CDHR1: variants seen among roughly 807,000 people sequenced by gnomAD.
CDHR1 encodes the protein cadherin-related family member 1.
A neutral mutation model predicts 72.1 loss-of-function variants in CDHR1; 61 were observed. The observed-to-expected ratio is 0.85, with a 90% CI of 0.69 to 1.05. The LOEUF (loss-of-function observed/expected upper bound fraction) is 1.05, where lower values mean the gene tolerates loss of function less well. CDHR1 is among the 50% of genes least tolerant of loss of function. CDHR1 has a pLI of 0.00. For synonymous variants in CDHR1, 470 were observed against 448.1 expected (o/e 1.05, Z -0.62); for missense variants, 1,186 against 1,115.7 (o/e 1.06, Z -0.90).
At chr10:84,218,763 CAT>C, downstream of CDHR1, 1 of 1,000,394 alleles carries the variant, frequency 1.0e-6, no homozygotes, top group Non-Finnish European at 1.2e-6. Flanking sequence ...GCCCAGATAT[CAT>C]GTTATTACAT....
At position 84,214,995 on chromosome 10, in the gene CDHR1, T is replaced by G; in HGVS notation, c.*374T>G. On this transcript the variant is annotated 3_prime_UTR_variant, in exon 17 of 17. Transcript: ENST00000623527. ...TCTACTGGGATCTCATCATCATCCT[T>G]AGTCAAGCAGCAGGGCCCTGGCCAC... is the stretch of plus-strand genomic sequence containing the variant. 8.7e-7 allele frequency: 1 copy of G among 1,155,502 alleles called. No individual in the cohort carries two copies. The highest frequency in any genetic ancestry group is 5.7e-5 in the East Asian group (1 of 17,504). The allele number at this position is 1,155,502 out of a possible 1,614,324, so 71.6% of individuals were successfully genotyped here. A position where few individuals can be genotyped will look rare whatever the true frequency, so the allele number is the denominator to read the frequency against.
At chr10:84,195,012 TC>T (rs1842002323) in intron 1 of CDHR1, among the ~76,000 whole-genome samples, 197 bp downstream of exon 1, 3 of 152,030 alleles carry the variant, frequency 2.0e-5, no homozygotes, top group Non-Finnish European at 4.4e-5. Flanking sequence ...AGTGGGGAGC[TC>T]CGGGGCGCTT....
intron 12 of CDHR1, among the ~76,000 whole-genome samples, chr10:84,209,638 A>G (rs918924134): frequency 2.0e-5 from 2 of 100,250 alleles, no homozygotes; most frequent in African/African-American, 1.2e-4. Flanking sequence ...GAGAGAAAAG[A>G]CAAAAAAAAA....
Position 84,217,965 on chromosome 10 carries a change from G to T in CDHR1, c.*3344G>T. On this transcript the variant is annotated 3_prime_UTR_variant, in exon 17 of 17. Transcript: ENST00000623527. ...TGCTAGAAAAGTGTGATCAGAGCTG[G>T]GAAGGAGCCACCATGCTCTGCTTCT... 1 of 985,466 alleles carries T rather than the reference G, an allele frequency of 1.0e-6. No homozygotes were observed. The highest frequency in any genetic ancestry group is 1.2e-6 in the Non-Finnish European group (1 of 829,950). The allele number at this position is 985,466 out of a possible 1,614,324, so 61.0% of individuals were successfully genotyped here. A position where few individuals can be genotyped will look rare whatever the true frequency, so the allele number is the denominator to read the frequency against.
chr10:84,211,817 A>G, intron 14 of CDHR1, 102 bp downstream of exon 14: 1 of 1,027,556 alleles, frequency 9.7e-7, no homozygotes, highest in Non-Finnish European at 1.5e-6. Context: ...TGGGAGGGAC[A>G]GGAGCCTGGG....
intron 9 of CDHR1, 103 bp downstream of exon 9, chr10:84,204,708 G>C: frequency 1.2e-6 from 1 of 807,564 alleles, no homozygotes; most frequent in Non-Finnish European, 2.2e-6. Context: ...TGTAGGACCA[G>C]GATTACAAGA....
Position 84,216,829 on chromosome 10 carries a change from C to T in CDHR1, c.*2208C>T. ...AGCTAGAATTAATTGCCCACTCTCC[C>T]ACCCTACCAGTGCAGCCCGGCAAGG... On this transcript the variant is annotated 3_prime_UTR_variant, in exon 17 of 17. Transcript: ENST00000623527. The T allele has an allele frequency of 1.0e-6, 1 of 985,514 alleles. No individual in the cohort carries two copies. Among genetic ancestry groups the T allele is most frequent in the Non-Finnish European group, 1.2e-6 (1 of 829,966 alleles). 61.0% of individuals were successfully genotyped at this position (985,514 alleles called of 1,614,324 possible).
intron 11 of CDHR1, 102 bp from the exon 12 acceptor site, chr10:84,208,627 A>G: frequency 2.4e-6 from 3 of 1,252,770 alleles, no homozygotes; most frequent in East Asian, 2.4e-5. Context: ...CTCTCTTAAT[A>G]ATATCTCCCA....
At chr10:84,204,840 G>A (rs762835814) in intron 9 of CDHR1, among the ~76,000 whole-genome samples, 14 of 152,198 alleles carry the variant, frequency 9.2e-5, no homozygotes, top group Non-Finnish European at 1.6e-4. Flanking sequence ...AGAGCAACAC[G>A]GAGGTGCTAA....
chr10:84,207,487 A>G (rs947302273), intron 10 of CDHR1, among the ~76,000 whole-genome samples: 1 of 152,178 alleles, frequency 6.6e-6, no homozygotes, highest in Non-Finnish European at 1.5e-5. Flanking sequence ...AGGTAGGGTT[A>G]TTTTAGGATA....
Position 84,215,408 on chromosome 10 carries a change from C to A in CDHR1, c.*787C>A. ...AAAGGCAACTAGAAGAGCATCAGGG[C>A]TGCTCTCTGAGGAGCTGCCCCACCA... On this transcript the variant is annotated 3_prime_UTR_variant, in exon 17 of 17. Transcript: ENST00000623527. 1.0e-6 allele frequency: 1 copy of A among 985,526 alleles called. No individual in the cohort carries two copies. Among genetic ancestry groups the A allele is most frequent in the Non-Finnish European group, 1.2e-6 (1 of 830,010 alleles). The allele number at this position is 985,526 out of a possible 1,614,324, so 61.0% of individuals were successfully genotyped here.
In CDHR1 at chr10:84,203,062, A is replaced by G; in HGVS notation, c.722A>G (p.Asp241Gly). ...ACGGTCAATGTGGAGGATGTTCAGG[A>G]CATGGCCCCTGTCTTCGTGGGCACA... The part of the protein sequence containing the change: ...TVTVNVEDVQ[D>G]MAPVFVGTPY... Residue 241 changes from aspartate to glycine, a missense_variant, in exon 8 of 17, where the codon GAC becomes GGC. By Grantham distance (94) the Asp-to-Gly change is moderately conservative. Transcript: ENST00000623527. 6.2e-7 allele frequency: 1 copy of G among 1,614,182 alleles called. No homozygotes were observed. The highest frequency in any genetic ancestry group is 8.5e-7 in the Non-Finnish European group (1 of 1,180,030).
At position 84,215,251 on chromosome 10, in the gene CDHR1, C is replaced by T; in HGVS notation, c.*630C>T. On this transcript the variant is annotated 3_prime_UTR_variant, in exon 17 of 17. Coordinates refer to ENST00000623527, the MANE Select transcript of CDHR1 (RefSeq NM_033100.4). Reference sequence around the variant, plus strand: ...ATTCTGTCTGGGCAGAGACTGTGGACCCTGGTATGCCCACGTGGGACAGAG... The same window carrying T: ...ATTCTGTCTGGGCAGAGACTGTGGATCCTGGTATGCCCACGTGGGACAGAG... 1 of 990,546 alleles carries T rather than the reference C, an allele frequency of 1.0e-6. No individual in the cohort carries two copies. The allele number at this position is 990,546 out of a possible 1,614,324, so 61.4% of individuals were successfully genotyped here.
At position 84,216,398 on chromosome 10, in the gene CDHR1, C is replaced by T. The variant is rs577256856; in HGVS notation, c.*1777C>T. The T allele has an allele frequency of 2.0e-6, 2 of 985,508 alleles. No homozygotes were observed. The highest frequency in any genetic ancestry group is 9.4e-5 in the South Asian group (2 of 21,288). The allele number at this position is 985,508 out of a possible 1,614,324, so 61.0% of individuals were successfully genotyped here. A position where few individuals can be genotyped will look rare whatever the true frequency, so the allele number is the denominator to read the frequency against. ...CCCAGACTGAGCAAATAAGTACTTT[C>T]CAGCCTGTGTTTCAGGAGAGGACTG... On this transcript the variant is annotated 3_prime_UTR_variant, in exon 17 of 17. Coordinates refer to ENST00000623527, the MANE Select transcript of CDHR1 (RefSeq NM_033100.4).
rs1009806057 is a variant in CDHR1, at chr10:84,218,196, G to A, written c.*3575G>A. The stretch of plus-strand genomic sequence containing the variant: ...GCAGGAGACTGGCATGTGCCACATG[G>A]AGGACCCCTTAGGAAACTCACAAAC... On this transcript the variant is annotated 3_prime_UTR_variant, in exon 17 of 17. Transcript: ENST00000623527. 4.3e-5 allele frequency: 42 copies of A among 985,368 alleles called. No individual in the cohort carries two copies. The highest frequency in any genetic ancestry group is 3.3e-5 in the Non-Finnish European group (27 of 829,958). The allele number at this position is 985,368 out of a possible 1,614,324, so 61.0% of individuals were successfully genotyped here.
At chr10:84,199,851 C>T (rs1382006306) in intron 5 of CDHR1, among the ~76,000 whole-genome samples, 1 of 152,200 alleles carries the variant, frequency 6.6e-6, no homozygotes, top group Admixed American at 6.5e-5. Context: ...TGCCCCTTGA[C>T]AATACTGAAT....
intron 15 of CDHR1, 67 bp downstream of exon 15, chr10:84,212,474 C>A: frequency 1.5e-6 from 2 of 1,351,110 alleles, no homozygotes; most frequent in Non-Finnish European, 2.1e-6. Flanking sequence ...GATACTGAGG[C>A]ATAAGAATTT....
intron 1 of CDHR1, among the ~76,000 whole-genome samples, 170 bp from the exon 2 acceptor site, chr10:84,195,324 C>T (rs1364667762): frequency 6.6e-6 from 1 of 152,180 alleles, no homozygotes; most frequent in African/African-American, 2.4e-5. Flanking sequence ...TCAGGGGCAT[C>T]CTCTGGGCGG....
In CDHR1 at chr10:84,211,074, C is replaced by G; in HGVS notation, c.1394C>G (p.Thr465Ser). The G allele has an allele frequency of 6.2e-7, 1 of 1,614,210 alleles. No individual in the cohort carries two copies. Among genetic ancestry groups the G allele is most frequent in the South Asian group, 1.1e-5 (1 of 91,088 alleles). ...TADVVIQLLD[T>S]NDNVPKFDSL... ...GATGTTGTGATCCAGCTCCTGGACA[C>G]CAATGACAATGTCCCCAAGTTCGAC... Residue 465 changes from threonine to serine, a missense_variant, in exon 13 of 17, where the codon ACC becomes AGC. Transcript: ENST00000623527.
Sources: allele counts gnomAD v4.1 joint callset (sites outside exome capture counted in the v4.1 genomes callset), GRCh38; gene constraint gnomAD v4.1.1; transcripts MANE v1.5; gene names NCBI Gene and HGNC (gene_info 2026-07-23, HGNC 2026-07-21).